The following OR9K2 variants were observed in gnomAD, a reference collection of about 807,000 sequenced individuals.
OR9K2 encodes olfactory receptor 9K2.
Under a neutral mutation model 12.4 loss-of-function variants are expected in OR9K2, and 16 were observed. The observed-to-expected ratio is 1.29, with a 90% confidence interval of 0.87 to 1.95. The LOEUF (loss-of-function observed/expected upper bound fraction) is 1.95, where lower values mean the gene tolerates loss of function less well. OR9K2 is among the 30% of genes most tolerant of loss of function. The probability of loss-of-function intolerance (pLI) is 0.00; values close to 1 mark genes in which losing one functional copy is unlikely to be tolerated. For missense variants in OR9K2, 434 were observed against 376.5 expected, an observed-to-expected ratio of 1.15 and a Z score of -1.26; for synonymous variants, 133 against 133.2, an observed-to-expected ratio of 1.00 and a Z score of 0.01.
Position 55,129,988 on chromosome 12 carries a change from A to T in OR9K2, c.154A>T (p.Ile52Phe), listed in dbSNP as rs1260656250. Residue 52 changes from isoleucine (I) to phenylalanine (F), a missense_variant, in exon 3 of 3, where the codon ATT becomes TTT. By Grantham distance (21) the Ile-to-Phe change is conservative. Coordinates refer to ENST00000641329, the MANE Select transcript of OR9K2 (RefSeq NM_001005243.2). ...LLGNVGMMTI[I>F]MTDPRLNTPM... Reference sequence around the variant, plus strand: ...AGGGAATGTTGGGATGATGACCATTATTATGACTGATCCTCGGCTGAACAC... The same window carrying T: ...AGGGAATGTTGGGATGATGACCATTTTTATGACTGATCCTCGGCTGAACAC... 1 of 1,613,978 alleles carries T rather than the reference A, an allele frequency of 6.2e-7. No homozygotes were observed. The highest frequency in any genetic ancestry group is 2.2e-5 in the East Asian group (1 of 44,870).
At chr12:55,129,607 A>C in intron 2 of OR9K2, 1 of 603,718 alleles carries the variant, frequency 1.7e-6, no homozygotes. Context: ...GAGGCAAAAA[A>C]CCTAACTCTA....
rs762101830 is a variant in OR9K2, at chr12:55,130,385, CT to C, written c.552del (p.Arg185AlafsTer16). On this transcript the variant is annotated frameshift_variant, in exon 3 of 3. Transcript: ENST00000641329. LOFTEE classifies it high-confidence loss of function. The part of the protein sequence containing the change: ...SRAVDHFYCD[S>X]RPLQRLSCSD... Reference sequence around the variant, plus strand: ...GCTGTTGACCACTTTTACTGTGATTCTCGCCCACTTCAGAGACTGTCTTGTT... The same window carrying C: ...GCTGTTGACCACTTTTACTGTGATTCCGCCCACTTCAGAGACTGTCTTGTT... 12 of 1,613,884 alleles carry C rather than the reference CT, an allele frequency of 7.4e-6. No individual in the cohort carries two copies. The African/African-American group carries it at 1.5e-4, about 20-fold the overall frequency.
chr12:55,128,641 A>G (rs1305206751), intron 2 of OR9K2, among the ~76,000 whole-genome samples: 3 of 152,178 alleles, frequency 2.0e-5, no homozygotes, highest in Non-Finnish European at 4.4e-5. Flanking sequence ...AAAAAGTGCC[A>G]TATACATATT....
At chr12:55,128,374 G>T (rs962053047) in intron 2 of OR9K2, among the ~76,000 whole-genome samples, 5 of 151,386 alleles carry the variant, frequency 3.3e-5, no homozygotes, top group Non-Finnish European at 7.4e-5. Context: ...AGGGGAACAG[G>T]AAGGGTCCTT....
intron 2 of OR9K2, among the ~76,000 whole-genome samples, chr12:55,127,727 A>T (rs1953438479): frequency 6.6e-6 from 1 of 152,050 alleles, no homozygotes; most frequent in South Asian, 2.1e-4. Flanking sequence ...CATATATATT[A>T]TTGGTTTTCA....
Position 55,130,680 on chromosome 12 carries a change from C to T in OR9K2, c.846C>T (p.Val282=). Residue 282 remains valine (V), a synonymous_variant, in exon 3 of 3, where the codon GTC becomes GTT. Transcript: ENST00000641329. ...SKVASLCYSL[V]TPMLNPLIYS... is the part of the protein sequence containing the mutation. ...TGGCATCCTTATGTTACTCCCTAGT[C>T]ACTCCCATGTTGAATCCTTTGATTT... The T allele has an allele frequency of 6.2e-7, 1 of 1,611,864 alleles. No individual in the cohort carries two copies. The highest frequency in any genetic ancestry group is 2.2e-5 in the East Asian group (1 of 44,868).
In OR9K2 at chr12:55,129,901, C is replaced by A; in HGVS notation, c.67C>A (p.Arg23Ser). ...CTTCATTCTTGCAGGCTTCAGGGTA[C>A]GCCCAGAGCTCCACATTCTCCTCTT... ...TDFILAGFRV[R>S]PELHILLFLL... is the part of the protein sequence containing the mutation. Residue 23 changes from arginine (R) to serine (S), a missense_variant, in exon 3 of 3, where the codon CGC becomes AGC. Transcript: ENST00000641329. 6.2e-7 allele frequency: 1 copy of A among 1,613,574 alleles called. No homozygotes were observed. The highest frequency in any genetic ancestry group is 8.5e-7 in the Non-Finnish European group (1 of 1,179,776).
rs1250831498 is a variant in OR9K2, at chr12:55,129,890, G to T, written c.56G>T (p.Gly19Val). 1 of 1,613,920 alleles carries T rather than the reference G, an allele frequency of 6.2e-7. No individual in the cohort carries two copies. The highest frequency in any genetic ancestry group is 1.7e-5 in the Admixed American group (1 of 59,992). ...GAAATGACTGACTTCATTCTTGCAG[G>T]CTTCAGGGTACGCCCAGAGCTCCAC... ...HSEMTDFILA[G>V]FRVRPELHIL... The change falls in exon 3 of 3, where the codon GGC becomes GTC. Residue 19 changes from glycine (G) to valine (V), a missense_variant. Coordinates refer to ENST00000641329, the MANE Select transcript of OR9K2 (RefSeq NM_001005243.2).
rs1223625972 is a variant in OR9K2, at chr12:55,132,265, T to C, written c.*1489T>C. The C allele has an allele frequency of 2.6e-5, 4 of 152,210 alleles. No homozygotes were observed. The highest frequency in any genetic ancestry group is 4.4e-5 in the Non-Finnish European group (3 of 68,036). 9.4% of individuals were successfully genotyped at this position (152,210 alleles called of 1,614,324 possible). A position where few individuals can be genotyped will look rare whatever the true frequency, so the allele number is the denominator to read the frequency against. Reference sequence around the variant, plus strand: ...AAATGAGAAAAGGAAATAAAAGTGTTATGGGTTGAATGGTATTCCCTCAAA... The same window carrying C: ...AAATGAGAAAAGGAAATAAAAGTGTCATGGGTTGAATGGTATTCCCTCAAA... On this transcript the variant is annotated 3_prime_UTR_variant, in exon 3 of 3. Coordinates refer to ENST00000641329, the MANE Select transcript of OR9K2 (RefSeq NM_001005243.2).
In OR9K2 at chr12:55,129,880, A is replaced by G. The variant is rs769562694; in HGVS notation, c.46A>G (p.Ile16Val). ...CAATCACTCAGAAATGACTGACTTC[A>G]TTCTTGCAGGCTTCAGGGTACGCCC... ...TSNHSEMTDF[I>V]LAGFRVRPEL... The change falls in exon 3 of 3, where the codon ATT becomes GTT. Residue 16 changes from isoleucine to valine, a missense_variant. Coordinates refer to ENST00000641329, the MANE Select transcript of OR9K2 (RefSeq NM_001005243.2). 2.5e-6 allele frequency: 4 copies of G among 1,614,040 alleles called. No homozygotes were observed. The highest frequency in any genetic ancestry group is 4.5e-5 in the East Asian group (2 of 44,882).
In OR9K2 at chr12:55,130,933, C is replaced by A. The variant is rs1953468899; in HGVS notation, c.*157C>A. On this transcript the variant is annotated 3_prime_UTR_variant, in exon 3 of 3. Transcript: ENST00000641329. Reference sequence around the variant, plus strand: ...TTTACTTTTTTACCTCCCAAGACATCATTAATTCTGAAAATCTTGGATATT... The same window carrying A: ...TTTACTTTTTTACCTCCCAAGACATAATTAATTCTGAAAATCTTGGATATT... 3 of 534,316 alleles carry A rather than the reference C, an allele frequency of 5.6e-6. No individual in the cohort carries two copies. The South Asian group carries it at 8.5e-5, about 15-fold the overall frequency. The allele number at this position is 534,316 out of a possible 1,614,324, so 33.1% of individuals were successfully genotyped here.
chr12:55,126,949 A>C (rs770054410), intron 2 of OR9K2, 38 bp downstream of exon 2: 3 of 152,208 alleles, frequency 2.0e-5, no homozygotes, highest in Non-Finnish European at 2.9e-5. Flanking sequence ...TTTGAAAAAT[A>C]AGTCACAAAC....
chr12:55,130,109 A>T lies in OR9K2; in HGVS notation c.275A>T (p.Asn92Ile). The stretch of plus-strand genomic sequence containing the variant: ...GCTATGATCAACTTCTGGTCTGAAA[A>T]CAAGTCTATCTCCTTTGCAGGCTGT... Reference protein sequence around the residue: ...PKAMINFWSENKSISFAGCVA... With the variant: ...PKAMINFWSEIKSISFAGCVA... Residue 92 changes from asparagine (N) to isoleucine (I), a missense_variant, in exon 3 of 3, where the codon AAC (asparagine) becomes ATC (isoleucine). Asn to Ile is a moderately radical substitution (Grantham distance 149, BLOSUM62 -3). Transcript: ENST00000641329. 1 of 1,613,444 alleles carries T rather than the reference A, an allele frequency of 6.2e-7. No individual in the cohort carries two copies. Among genetic ancestry groups the T allele is most frequent in the Non-Finnish European group, 8.5e-7 (1 of 1,179,992 alleles).
rs540129599 is a variant in OR9K2, at chr12:55,130,511, C to A, written c.677C>A (p.Ser226Tyr). ...ATAGTATCTTACATGTATATTGTGT[C>A]CACAGTTCTAAAGATACATTCTACT... ...VIIVSYMYIV[S>Y]TVLKIHSTEG... The change falls in exon 3 of 3, where the codon TCC (serine) becomes TAC (tyrosine). Residue 226 changes from serine to tyrosine, a missense_variant. By Grantham distance (144) the Ser-to-Tyr change is moderately radical. Coordinates refer to ENST00000641329, the MANE Select transcript of OR9K2 (RefSeq NM_001005243.2). The A allele has an allele frequency of 5.0e-6, 8 of 1,613,580 alleles. No individual in the cohort carries two copies. In the East Asian group the frequency reaches 1.8e-4, roughly 36 times the overall value.
At position 55,130,627 on chromosome 12, in the gene OR9K2, C is replaced by T; in HGVS notation, c.793C>T (p.Pro265Ser). The T allele has an allele frequency of 1.2e-6, 2 of 1,613,926 alleles. No homozygotes were observed. The highest frequency in any genetic ancestry group is 1.7e-6 in the Non-Finnish European group (2 of 1,179,900). Residue 265 changes from proline (P) to serine (S), a missense_variant, in exon 3 of 3, where the codon CCT becomes TCT. By Grantham distance (74) the Pro-to-Ser change is moderately conservative. Transcript: ENST00000641329. ...YGAVFFMYLT[P>S]DRFPELSKVA... ...TGCTGTCTTTTTTATGTATCTCACT[C>T]CTGACAGATTTCCTGAGCTGAGTAA...
rs1374602407 is a variant in OR9K2, at chr12:55,130,241, C to G, written c.407C>G (p.Ser136Cys). 2 of 1,614,000 alleles carry G rather than the reference C, an allele frequency of 1.2e-6. No individual in the cohort carries two copies. The highest frequency in any genetic ancestry group is 1.3e-5 in the African/African-American group (1 of 74,914). The change falls in exon 3 of 3, where the codon TCT becomes TGT. Residue 136 changes from serine (S) to cysteine (C), a missense_variant. Ser to Cys is a moderately radical substitution (Grantham distance 112). Transcript: ENST00000641329. ...FIAICNPLLY[S>C]VQMSTRLCTQ... ...GCCATCTGCAACCCTCTGCTCTACT[C>G]TGTTCAAATGTCCACACGTCTGTGT...
intron 2 of OR9K2, among the ~76,000 whole-genome samples, chr12:55,129,269 A>G (rs1953450378): frequency 6.6e-6 from 1 of 152,028 alleles, no homozygotes. Flanking sequence ...CATAACTTCC[A>G]TCAGAATCCA....
chr12:55,130,016 C>G lies in OR9K2; in HGVS notation c.182C>G (p.Pro61Arg), dbSNP rs1388536647. Residue 61 changes from proline (P) to arginine (R), a missense_variant, in exon 3 of 3, where the codon CCA (proline) becomes CGA (arginine). Coordinates refer to ENST00000641329, the MANE Select transcript of OR9K2 (RefSeq NM_001005243.2). ...ATGACTGATCCTCGGCTGAACACAC[C>G]AATGTATTTTTTCCTAGGCAATCTC... ...IIMTDPRLNT[P>R]MYFFLGNLSF... 5 of 1,613,530 alleles carry G rather than the reference C, an allele frequency of 3.1e-6. No individual in the cohort carries two copies. Among genetic ancestry groups the G allele is most frequent in the Non-Finnish European group, 4.2e-6 (5 of 1,179,938 alleles).
Position 55,130,410 on chromosome 12 carries a change from T to C in OR9K2, c.576T>C (p.Cys192=), listed in dbSNP as rs1248376584. The C allele has an allele frequency of 6.2e-7, 1 of 1,613,958 alleles. No individual in the cohort carries two copies. Among genetic ancestry groups the C allele is most frequent in the Non-Finnish European group, 8.5e-7 (1 of 1,179,910 alleles). Residue 192 remains cysteine (C), a synonymous_variant, in exon 3 of 3, where the codon TGT becomes TGC. Transcript: ENST00000641329. ...CTCGCCCACTTCAGAGACTGTCTTGTTCTGATCTCTTTATCCATAGAATGA... is the reference window on the plus strand; with the variant it reads ...CTCGCCCACTTCAGAGACTGTCTTGCTCTGATCTCTTTATCCATAGAATGA... ...CDSRPLQRLS[C]SDLFIHRMIS...
Sources: gnomAD v4.1 joint callset for allele counts (sites outside exome capture counted in the v4.1 genomes callset) on GRCh38, gnomAD v4.1.1 for gene constraint, MANE v1.5 for transcripts, NCBI Gene and HGNC (gene_info 2026-07-23, HGNC 2026-07-21) for gene names.